The following TPMT variants were observed in gnomAD, a reference collection of about 807,000 sequenced individuals.
The protein encoded by TPMT is S-adenosyl-L-methionine:thiopurine S-methyltransferase.
TPMT carries 18 observed loss-of-function variants against 34.2 expected under a neutral mutation model. That is an observed-to-expected ratio of 0.53 (90% CI 0.36 to 0.78). TPMT has a LOEUF of 0.78. Among genes scored for constraint, TPMT ranks in the 30% least tolerant of loss-of-function variants. TPMT has a pLI of 0.00. For missense variants in TPMT, 265 were observed against 288.1 expected (o/e 0.92, Z 0.58); for synonymous variants, 69 against 92.4 (o/e 0.75, Z 1.45).
In TPMT at chr6:18,130,835, T is replaced by C. The variant is rs762242358; in HGVS notation, c.626-55A>G. 7.4e-6 allele frequency: 11 copies of C among 1,484,122 alleles called. No individual in the cohort carries two copies. The highest frequency in any genetic ancestry group is 1.0e-5 in the Non-Finnish European group (11 of 1,064,308). 91.9% of individuals were successfully genotyped at this position (1,484,122 alleles called of 1,614,324 possible). ...TACTATGAAGAATGACATCAGGGAT[T>C]CTTTTAAAAATACTCAAAATTGGCT... On this transcript the variant is annotated intron_variant, in intron 8 of 8. Coordinates refer to ENST00000309983, the MANE Select transcript of TPMT (RefSeq NM_000367.5). This position sits in a 1 kb window ranked among gnomAD's most constrained non-coding sequence, Gnocchi z 4.2.
In TPMT at chr6:18,135,123, A is replaced by G. The variant is rs2150709953; in HGVS notation, c.495-1234T>C. 6.6e-6 allele frequency among the ~76,000 whole-genome samples: 1 copy of G among 152,358 alleles called. No homozygotes were observed. Among genetic ancestry groups the G allele is most frequent in the African/African-American group, 2.4e-5 (1 of 41,592 alleles). On this transcript the variant is annotated intron_variant, in intron 6 of 8. Transcript: ENST00000309983. This position sits in a 1 kb window ranked among gnomAD's most constrained non-coding sequence, Gnocchi z 5.0. ...GTTTCCTCACCTGTAACATGAGGATAAGACTAATAACCACCTCACAAACTG... is the reference window on the plus strand; with the variant it reads ...GTTTCCTCACCTGTAACATGAGGATGAGACTAATAACCACCTCACAAACTG...
chr6:18,147,958 A>C (rs768799294), intron 2 of TPMT, 43 bp from the exon 3 acceptor site: 3 of 1,438,806 alleles, frequency 2.1e-6, no homozygotes, highest in Non-Finnish European at 2.9e-6. Context: ...ATTGTATGGT[A>C]GGTGAACACT....
At position 18,143,703 on chromosome 6, in the gene TPMT, CT is replaced by C. The variant is rs779864199; in HGVS notation, c.258del (p.Val87LeufsTer62). On this transcript the variant is annotated frameshift_variant, in exon 4 of 9. Coordinates refer to ENST00000309983, the MANE Select transcript of TPMT (RefSeq NM_000367.5). LOFTEE classifies it high-confidence loss of function. This position sits in a 1 kb window ranked among gnomAD's most constrained non-coding sequence, Gnocchi z 6.1. ...MKWFADRGHS[V>X]VGVEISELGI... is the part of the protein sequence containing the mutation. Reference sequence around the variant, plus strand: ...CCAAGTTCACTGATTTCCACACCAACTACACTGTGTCCCCGGTCTGCAAACC... The same window carrying C: ...CCAAGTTCACTGATTTCCACACCAACACACTGTGTCCCCGGTCTGCAAACC... 1 of 1,613,970 alleles carries C rather than the reference CT, an allele frequency of 6.2e-7. No individual in the cohort carries two copies. The highest frequency in any genetic ancestry group is 1.3e-5 in the African/African-American group (1 of 74,932).
upstream of TPMT, chr6:18,155,153 CCGCCCGCGCCCCGCCTCCG>C (rs1561895630): frequency 0.045 from 1,905 of 42,166 alleles, 56 homozygotes; most frequent in African/African-American, 0.13. The surrounding 1 kb of genome is among the most constrained non-coding windows in gnomAD (Gnocchi z 6.2). Flanking sequence ...CGCCCCGCCT[CCGCCCGCGCCCCGCCTCCG>C]CCCGCGCCCC....
rs570025041 is a variant in TPMT at position 18,136,725 on chromosome 6, G to A, written c.494+2238C>T. On this transcript the variant is annotated intron_variant, in intron 6 of 8. Coordinates refer to ENST00000309983, the MANE Select transcript of TPMT (RefSeq NM_000367.5). The surrounding 1 kb of genome is among the most constrained non-coding windows in gnomAD (Gnocchi z 4.7). ...CCTGGGAGGCTGAGGCAGGAGATTC[G>A]CTTGAACCTGGCAGGCAGAGGTTGC... Among the ~76,000 whole-genome samples, 7 of 152,272 alleles carry A rather than the reference G, an allele frequency of 4.6e-5. No individual in the cohort carries two copies. Among genetic ancestry groups the A allele is most frequent in the South Asian group, 2.1e-4 (1 of 4,826 alleles).
At chr6:18,147,684 T>C (rs932885590) in intron 3 of TPMT, 139 bp downstream of exon 3, 5 of 728,820 alleles carry the variant, frequency 6.9e-6, no homozygotes, top group African/African-American at 5.4e-5. Context: ...TTTCCAATTA[T>C]ATACCCATCA....
intron 1 of TPMT, among the ~76,000 whole-genome samples, chr6:18,152,752 T>C (rs1326982368): frequency 6.6e-6 from 1 of 152,106 alleles, no homozygotes; most frequent in Non-Finnish European, 1.5e-5. Context: ...GATACAACTC[T>C]ATACCTCCTC....
Position 18,153,192 on chromosome 6 carries a change from G to A in TPMT, c.-45+1841C>T, listed in dbSNP as rs1396560855. Among the ~76,000 whole-genome samples the A allele has an allele frequency of 2.0e-5, 3 of 152,132 alleles. No individual in the cohort carries two copies. Among genetic ancestry groups the A allele is most frequent in the African/African-American group, 4.8e-5 (2 of 41,418 alleles). On this transcript the variant is annotated intron_variant, in intron 1 of 8. Transcript: ENST00000309983. The surrounding 1 kb of genome is among the most constrained non-coding windows in gnomAD (Gnocchi z 4.2). Reference sequence around the variant, plus strand: ...TGTCAGTTTCTGGCTTCTGGCCTGCGGCTACACTTCTCAGCCAGTCAGAAT... The same window carrying A: ...TGTCAGTTTCTGGCTTCTGGCCTGCAGCTACACTTCTCAGCCAGTCAGAAT...
chr6:18,141,007 T>C (rs1172324661), intron 4 of TPMT, among the ~76,000 whole-genome samples: 6 of 152,176 alleles, frequency 3.9e-5, no homozygotes, highest in African/African-American at 1.2e-4. Flanking sequence ...TGGGTGGGCC[T>C]GGAGGCAGGA....
Position 18,131,106 on chromosome 6 carries a change from C to G in TPMT, c.626-326G>C, listed in dbSNP as rs943335148. Among the ~76,000 whole-genome samples, 6 of 152,306 alleles carry G rather than the reference C, an allele frequency of 3.9e-5. No individual in the cohort carries two copies. Among genetic ancestry groups the G allele is most frequent in the Non-Finnish European group, 8.8e-5 (6 of 68,034 alleles). ...TGAGCTGAGATTGCACCATCGCGCT[C>G]TAGCCTAGGCAACAAGAGCGAAACT... On this transcript the variant is annotated intron_variant, in intron 8 of 8. Coordinates refer to ENST00000309983, the MANE Select transcript of TPMT (RefSeq NM_000367.5). This position sits in a 1 kb window ranked among gnomAD's most constrained non-coding sequence, Gnocchi z 4.3.
chr6:18,155,152 TCCGCCCGCGCCCCGCCTCCGC>T (rs1784477053), upstream of TPMT: 3 of 33,108 alleles, frequency 9.1e-5, no homozygotes, highest in African/African-American at 1.4e-4. The surrounding 1 kb of genome is among the most constrained non-coding windows in gnomAD (Gnocchi z 6.2). Context: ...GCGCCCCGCC[TCCGCCCGCGCCCCGCCTCCGC>T]CCGCGCCCCG....
rs1784035000 is a variant in TPMT, at chr6:18,135,926, GA to G, written c.495-2038del. Among the ~76,000 whole-genome samples, 1 of 151,962 alleles carries G rather than the reference GA, an allele frequency of 6.6e-6. No homozygotes were observed. The highest frequency in any genetic ancestry group is 1.5e-5 in the Non-Finnish European group (1 of 67,994). The stretch of plus-strand genomic sequence containing the variant: ...AGTAAACTAATATCGCCCTTGCTCA[GA>G]GTGCAGTTCACTTCTTCCATTCATT... On this transcript the variant is annotated intron_variant, in intron 6 of 8. Transcript: ENST00000309983. This position sits in a 1 kb window ranked among gnomAD's most constrained non-coding sequence, Gnocchi z 5.0.
chr6:18,142,571 C>CCAAA (rs146389100), intron 4 of TPMT, among the ~76,000 whole-genome samples: 7,944 of 151,974 alleles, frequency 0.052, 248 homozygotes, highest in African/African-American at 0.087. Flanking sequence ...TGAGTCTCTG[C>CCAAA]CAGATTCTCT....
In TPMT at chr6:18,129,120, A is replaced by C. The variant is rs574319321; in HGVS notation, c.*1548T>G. ...TCTCTGGAGAGAATTGTGTTGGTCC[A>C]GCTCGGGTTAGTTGTCCATTCAACC... On this transcript the variant is annotated 3_prime_UTR_variant, in exon 9 of 9. Transcript: ENST00000309983. 2.2e-4 allele frequency: 33 copies of C among 152,354 alleles called. No homozygotes were observed. The highest frequency in any genetic ancestry group is 7.9e-4 in the African/African-American group (33 of 41,584). The allele number at this position is 152,354 out of a possible 1,614,324, so 9.4% of individuals were successfully genotyped here.
In TPMT at chr6:18,129,403, C is replaced by T. The variant is rs973481651; in HGVS notation, c.*1265G>A. The stretch of plus-strand genomic sequence containing the variant: ...GCTTTCACCAGTGTTAAAGGGGACC[C>T]CAAACCTTGCATTAACAACCTTTAA... On this transcript the variant is annotated 3_prime_UTR_variant, in exon 9 of 9. Coordinates refer to ENST00000309983, the MANE Select transcript of TPMT (RefSeq NM_000367.5). The T allele has an allele frequency of 2.6e-5, 4 of 152,126 alleles. No homozygotes were observed. Among genetic ancestry groups the T allele is most frequent in the African/African-American group, 9.7e-5 (4 of 41,420 alleles). 9.4% of individuals were successfully genotyped at this position (152,126 alleles called of 1,614,324 possible). A position where few individuals can be genotyped will look rare whatever the true frequency, so the allele number is the denominator to read the frequency against.
At position 18,132,728 on chromosome 6, in the gene TPMT, G is replaced by C. The variant is rs1308984479; in HGVS notation, c.581-551C>G. On this transcript the variant is annotated intron_variant, in intron 7 of 8. Coordinates refer to ENST00000309983, the MANE Select transcript of TPMT (RefSeq NM_000367.5). The surrounding 1 kb of genome is among the most constrained non-coding windows in gnomAD (Gnocchi z 4.8). ...TATTAATTTCTATTTCCATTTGATT[G>C]TCTCTGATTTAATTAGGGACACTAG... is the stretch of plus-strand genomic sequence containing the variant. Among the ~76,000 whole-genome samples the C allele has an allele frequency of 1.3e-5, 2 of 151,994 alleles. No individual in the cohort carries two copies.
chr6:18,133,778 A>AC, intron 7 of TPMT, 26 bp downstream of exon 7: 1 of 1,243,602 alleles, frequency 8.0e-7, no homozygotes, highest in Non-Finnish European at 1.1e-6. Flanking sequence ...CTGGTAAAAG[A>AC]AAAAAAAAAA....
rs1250649236 is a variant in TPMT at position 18,136,664 on chromosome 6, G to C, written c.494+2299C>G. Among the ~76,000 whole-genome samples, 1 of 152,172 alleles carries C rather than the reference G, an allele frequency of 6.6e-6. No individual in the cohort carries two copies. The highest frequency in any genetic ancestry group is 6.5e-5 in the Admixed American group (1 of 15,278). ...CTCTACTAAAAATACAAAAAAATTAGCCGGGTGTGGTGGAGCATGCCTATA... is the reference window on the plus strand; with the variant it reads ...CTCTACTAAAAATACAAAAAAATTACCCGGGTGTGGTGGAGCATGCCTATA... On this transcript the variant is annotated intron_variant, in intron 6 of 8. Transcript: ENST00000309983. The surrounding 1 kb of genome is among the most constrained non-coding windows in gnomAD (Gnocchi z 4.7).
At position 18,135,993 on chromosome 6, in the gene TPMT, T is replaced by C. The variant is rs1249731162; in HGVS notation, c.495-2104A>G. The stretch of plus-strand genomic sequence containing the variant: ...TATTAAGCTCTTACTAGGTGCTAAA[T>C]ATATATTATATCAGACACTGGGGAA... On this transcript the variant is annotated intron_variant, in intron 6 of 8. Coordinates refer to ENST00000309983, the MANE Select transcript of TPMT (RefSeq NM_000367.5). The surrounding 1 kb of genome is among the most constrained non-coding windows in gnomAD (Gnocchi z 5.0). Among the ~76,000 whole-genome samples the C allele has an allele frequency of 6.6e-6, 1 of 152,188 alleles. No homozygotes were observed. Among genetic ancestry groups the C allele is most frequent in the Non-Finnish European group, 1.5e-5 (1 of 68,036 alleles).
Sources: allele counts gnomAD v4.1 joint callset (sites outside exome capture counted in the v4.1 genomes callset), GRCh38; gene constraint gnomAD v4.1.1; non-coding constraint Gnocchi (gnomAD v3.1); transcripts MANE v1.5; gene names NCBI Gene and HGNC (gene_info 2026-07-23, HGNC 2026-07-21).